ACER3: variants seen among roughly 807,000 people sequenced by gnomAD.
ACER3 encodes alkaline ceramidase 3, also known as alkCDase 3.
In ACER3, 16 loss-of-function variants were observed where a neutral mutation model predicts 48.9. That is an observed-to-expected ratio of 0.33 (90% CI 0.22 to 0.50). The LOEUF (loss-of-function observed/expected upper bound fraction) is 0.50. ACER3 is among the 20% of genes least tolerant of loss of function. ACER3 has a pLI of 0.98. For missense variants in ACER3, 227 were observed against 326.0 expected (o/e 0.70, Z 2.34); for synonymous variants, 109 against 107.8 (o/e 1.01, Z -0.07).
Position 76,926,671 on chromosome 11 carries a change from T to C in ACER3, c.214+4T>C. On this transcript the variant is annotated splice_donor_region_variant and intron_variant, in intron 2 of 10. Transcript: ENST00000532485. ...GCTTCTTATTTAGCACTCACAGGTATGTATAACACTGTATCTGAAGAAATG... is the reference window on the plus strand; with the variant it reads ...GCTTCTTATTTAGCACTCACAGGTACGTATAACACTGTATCTGAAGAAATG... 1 of 1,505,176 alleles carries C rather than the reference T, an allele frequency of 6.6e-7. No individual in the cohort carries two copies. The allele number at this position is 1,505,176 out of a possible 1,614,324, so 93.2% of individuals were successfully genotyped here.
intron 1 of ACER3, among the ~76,000 whole-genome samples, chr11:76,896,948 T>C (rs569745168): frequency 6.6e-6 from 1 of 151,924 alleles, no homozygotes; most frequent in Non-Finnish European, 1.5e-5. Context: ...GTTGTTGTTG[T>C]TGGTTTTTTG....
At chr11:76,976,960 G>GA (rs1367558120) in intron 4 of ACER3, among the ~76,000 whole-genome samples, 2 of 152,054 alleles carry the variant, frequency 1.3e-5, no homozygotes, top group South Asian at 2.1e-4. Context: ...GAATGTCAAG[G>GA]AAAAAATCAA....
At chr11:76,909,848 T>C (rs1946324571) in intron 1 of ACER3, among the ~76,000 whole-genome samples, 1 of 152,220 alleles carries the variant, frequency 6.6e-6, no homozygotes, top group East Asian at 1.9e-4. Flanking sequence ...CTATTCACAA[T>C]AGCAAAGACT....
At chr11:76,893,703 A>G (rs1307153796) in intron 1 of ACER3, among the ~76,000 whole-genome samples, 1 of 152,244 alleles carries the variant, frequency 6.6e-6, no homozygotes, top group Non-Finnish European at 1.5e-5. Flanking sequence ...TTGAGGATCA[A>G]ATTAGACAAT....
Position 76,861,016 on chromosome 11 carries a change from A to G in ACER3, c.40A>G (p.Thr14Ala). Residue 14 changes from threonine (T) to alanine (A), a missense_variant, in exon 1 of 11, where the codon ACG becomes GCG. This residue lies in a region of ACER3 where 27 missense variants were observed against 18.1 expected (regional missense o/e 1.49). Transcript: ENST00000532485. ...AADREGYWGP[T>A]TSTLDWCEEN... is the part of the protein sequence containing the mutation. Reference sequence around the variant, plus strand: ...GGACCGAGAGGGCTACTGGGGCCCCACGACCTCCACGCTGGACTGGTGCGA... The same window carrying G: ...GGACCGAGAGGGCTACTGGGGCCCCGCGACCTCCACGCTGGACTGGTGCGA... The G allele has an allele frequency of 6.5e-7, 1 of 1,547,236 alleles. No homozygotes were observed. Among genetic ancestry groups the G allele is most frequent in the Non-Finnish European group, 8.7e-7 (1 of 1,146,090 alleles).
intron 9 of ACER3, among the ~76,000 whole-genome samples, chr11:77,018,267 T>C (rs1489077072): frequency 6.6e-6 from 1 of 152,154 alleles, no homozygotes; most frequent in Non-Finnish European, 1.5e-5. Flanking sequence ...GATGTTACTA[T>C]TGTAATTGTT....
intron 7 of ACER3, among the ~76,000 whole-genome samples, chr11:77,009,671 T>C (rs1949221534): frequency 6.6e-6 from 1 of 152,052 alleles, no homozygotes; most frequent in South Asian, 2.1e-4. Flanking sequence ...ATTAGGTAGG[T>C]GTGGTGGCAC....
chr11:77,007,141 C>T (rs1361335816), intron 7 of ACER3, among the ~76,000 whole-genome samples: 1 of 150,056 alleles, frequency 6.7e-6, no homozygotes, highest in Admixed American at 6.6e-5. Flanking sequence ...TTAAAAAAAT[C>T]ACATGTTTTG....
In ACER3 at chr11:76,976,279, T is replaced by C; in HGVS notation, c.268-10T>C. The C allele has an allele frequency of 1.9e-6, 3 of 1,599,286 alleles. No individual in the cohort carries two copies. The highest frequency in any genetic ancestry group is 2.6e-6 in the Non-Finnish European group (3 of 1,169,302). On this transcript the variant is annotated splice_polypyrimidine_tract_variant and intron_variant, in intron 3 of 10. Transcript: ENST00000532485. The stretch of plus-strand genomic sequence containing the variant: ...TATTCAAGCCTGTTATCTATCTTTG[T>C]TTCTTACAGCTATTGGATGAACTCC...
Position 77,020,530 on chromosome 11 carries a change from C to T in ACER3, c.*203C>T, listed in dbSNP as rs968955485. The T allele has an allele frequency of 1.1e-5, 6 of 547,198 alleles. No homozygotes were observed. Among genetic ancestry groups the T allele is most frequent in the Non-Finnish European group, 1.9e-5 (6 of 308,898 alleles). 33.9% of individuals were successfully genotyped at this position (547,198 alleles called of 1,614,324 possible). A position where few individuals can be genotyped will look rare whatever the true frequency, so the allele number is the denominator to read the frequency against. On this transcript the variant is annotated 3_prime_UTR_variant, in exon 11 of 11. Transcript: ENST00000532485. Reference sequence around the variant, plus strand: ...AGCTCATGGCTTTATCTTATTTGTCCCCCTCCTCCTTTCACGCTCCAGTTT... The same window carrying T: ...AGCTCATGGCTTTATCTTATTTGTCTCCCTCCTCCTTTCACGCTCCAGTTT...
At chr11:76,950,352 CATATATATATATATATAT>C (rs774580764) in intron 2 of ACER3, among the ~76,000 whole-genome samples, 484 of 35,958 alleles carry the variant, frequency 0.013, 9 homozygotes, top group Non-Finnish European at 0.042. Flanking sequence ...GTGACATGAT[CATATATATATATATATAT>C]ATATATATAT....
At chr11:76,982,781 A>G (rs1287791922) in intron 4 of ACER3, among the ~76,000 whole-genome samples, 1 of 152,090 alleles carries the variant, frequency 6.6e-6, no homozygotes, top group African/African-American at 2.4e-5. Flanking sequence ...TTTTTTCTAG[A>G]AGTCTTATAA....
chr11:76,904,008 A>G (rs908923042), intron 1 of ACER3, among the ~76,000 whole-genome samples: 1 of 152,052 alleles, frequency 6.6e-6, no homozygotes, highest in Non-Finnish European at 1.5e-5. Flanking sequence ...TTATTTCGAG[A>G]TGAAGTCTCG....
chr11:76,994,120 G>A, intron 6 of ACER3: 1 of 440,542 alleles, frequency 2.3e-6, no homozygotes, highest in South Asian at 1.6e-5. Context: ...CAACTATATT[G>A]TAGGGATTAA....
rs1555023420 is a variant in ACER3, at chr11:77,016,710, T to C, written c.635T>C (p.Ile212Thr). ...AAGAAGGTACCACCTATCATAGGTA[T>C]TACCACACAATTTCATGCATGGTGG... ...FRKKVPPIIG[I>T]TTQFHAWWHI... Residue 212 changes from isoleucine to threonine, a missense_variant, in exon 9 of 11, where the codon ATT (isoleucine) becomes ACT (threonine). Around this residue, in one of 3 missense-constraint regions of ACER3, gnomAD observed 195 missense variants for 290.8 expected, o/e 0.67. Transcript: ENST00000532485. 1 of 1,603,480 alleles carries C rather than the reference T, an allele frequency of 6.2e-7. No individual in the cohort carries two copies.
At position 77,022,935 on chromosome 11, in the gene ACER3, T is replaced by C. The variant is rs886478171; in HGVS notation, c.*2608T>C. ...TAAGGATGTAAAAGAAGCAATTTGC[T>C]TGCACATCTGAATATCCTTCTTGTG... is the stretch of plus-strand genomic sequence containing the variant. On this transcript the variant is annotated 3_prime_UTR_variant, in exon 11 of 11. Transcript: ENST00000532485. 1.3e-5 allele frequency: 5 copies of C among 390,476 alleles called. No homozygotes were observed. The highest frequency in any genetic ancestry group is 2.3e-5 in the Non-Finnish European group (5 of 221,478). The allele number at this position is 390,476 out of a possible 1,614,324, so 24.2% of individuals were successfully genotyped here.
chr11:76,953,396 G>C (rs1367511940), intron 2 of ACER3, among the ~76,000 whole-genome samples: 1 of 152,072 alleles, frequency 6.6e-6, no homozygotes, highest in Non-Finnish European at 1.5e-5. Context: ...GTCAGGAGTT[G>C]AGACCAGCCT....
At chr11:76,993,005 A>G (rs1294445349) in intron 6 of ACER3, among the ~76,000 whole-genome samples, 1 of 151,986 alleles carries the variant, frequency 6.6e-6, no homozygotes, top group Non-Finnish European at 1.5e-5. Flanking sequence ...AGTAGCTGGG[A>G]TTACAGGCAC....
At chr11:76,991,426 T>C (rs1197919483) in intron 6 of ACER3, among the ~76,000 whole-genome samples, 2 of 152,252 alleles carry the variant, frequency 1.3e-5, no homozygotes, top group Non-Finnish European at 2.9e-5. Flanking sequence ...CTAACTGGAA[T>C]ATGGCTTTTG....
Sources: allele counts gnomAD v4.1 joint callset (sites outside exome capture counted in the v4.1 genomes callset), GRCh38; gene constraint gnomAD v4.1.1; regional missense constraint gnomAD v4.1.1; transcripts MANE v1.5; gene names NCBI Gene and HGNC (gene_info 2026-07-23, HGNC 2026-07-21).